The following RABGAP1L variants were observed in gnomAD, a reference collection of about 807,000 sequenced individuals.
RABGAP1L encodes the protein rab GTPase-activating protein 1-like.
RABGAP1L carries 63 observed loss-of-function variants against 137.7 expected under a neutral mutation model. The observed-to-expected ratio is 0.46, with a 90% CI of 0.37 to 0.56. The LOEUF (loss-of-function observed/expected upper bound fraction) is 0.56. Ranked by LOEUF, RABGAP1L falls within the 20% of genes least tolerant of loss-of-function variation. RABGAP1L has a pLI of 0.00. For synonymous variants in RABGAP1L, 431 were observed against 433.7 expected, an observed-to-expected ratio of 0.99 and a Z score of 0.08; for missense variants, 1,095 against 1,244.0, an observed-to-expected ratio of 0.88 and a Z score of 1.80.
At chr1:174,735,785 A>G (rs1450392300) in intron 17 of RABGAP1L, among the ~76,000 whole-genome samples, 1 of 152,172 alleles carries the variant, frequency 6.6e-6, no homozygotes, top group East Asian at 1.9e-4. Flanking sequence ...GAAGAGGAGC[A>G]GCATATTATA....
In RABGAP1L at chr1:174,388,469, A is replaced by G. The variant is rs141247378; in HGVS notation, c.1560-5526A>G. ...ATTGAAATAACTACATGAAAAAAGC[A>G]CATAAGCTAAAGAAAGAAAGGTTGA... On this transcript the variant is annotated intron_variant, in intron 12 of 25. Transcript: ENST00000681986. Among the ~76,000 whole-genome samples the G allele has an allele frequency of 7.3e-3, 1,114 of 152,102 alleles. 20 individuals are homozygous for G. Among genetic ancestry groups the G allele is most frequent in the African/African-American group, 0.026 (1,070 of 41,550 alleles).
At chr1:174,456,146 G>T (rs1457007554) in intron 13 of RABGAP1L, among the ~76,000 whole-genome samples, 1 of 152,050 alleles carries the variant, frequency 6.6e-6, no homozygotes, top group African/African-American at 2.4e-5. Flanking sequence ...TGTTGGAGGT[G>T]TGATTTTTGA....
At chr1:174,371,890 T>A (rs185091916) in intron 12 of RABGAP1L, among the ~76,000 whole-genome samples, 2 of 152,236 alleles carry the variant, frequency 1.3e-5, no homozygotes, top group East Asian at 3.9e-4. Context: ...TCTGTATGCA[T>A]CTTGAGAGTT....
chr1:174,576,610 T>C (rs952698082), intron 13 of RABGAP1L, among the ~76,000 whole-genome samples: 1 of 152,192 alleles, frequency 6.6e-6, no homozygotes, highest in Non-Finnish European at 1.5e-5. Flanking sequence ...AGCAGTAGTT[T>C]CAGGGGGTCT....
At chr1:174,667,754 T>C (rs990782709) in intron 14 of RABGAP1L, among the ~76,000 whole-genome samples, 3 of 152,210 alleles carry the variant, frequency 2.0e-5, no homozygotes, top group Non-Finnish European at 2.9e-5. Context: ...GACCTGGTTA[T>C]TTACTCTTTC....
chr1:174,897,222 G>A (rs1657351828), intron 19 of RABGAP1L: 2 of 152,142 alleles, frequency 1.3e-5, no homozygotes, highest in Admixed American at 1.3e-4. Flanking sequence ...GTTCACTCAT[G>A]ATTTGGCTCT....
chr1:174,534,802 A>AAAAAAAT (rs1553324953), intron 13 of RABGAP1L, among the ~76,000 whole-genome samples: 8 of 137,310 alleles, frequency 5.8e-5, no homozygotes, highest in Admixed American at 2.2e-4. Context: ...AAAAAAAAAA[A>AAAAAAAT]AATAATTAGA....
intron 13 of RABGAP1L, among the ~76,000 whole-genome samples, chr1:174,447,694 A>G (rs1654922545): frequency 6.6e-6 from 1 of 152,144 alleles, no homozygotes; most frequent in South Asian, 2.1e-4. Context: ...CAGCCCACAG[A>G]AGCTTTTCTT....
intron 19 of RABGAP1L, among the ~76,000 whole-genome samples, chr1:174,904,528 G>C (rs955656019): frequency 6.6e-6 from 1 of 152,172 alleles, no homozygotes; most frequent in African/African-American, 2.4e-5. Context: ...GGGAGAAATG[G>C]GACTATCATC....
chr1:174,494,043 G>A (rs553509771), intron 13 of RABGAP1L, among the ~76,000 whole-genome samples: 1 of 152,052 alleles, frequency 6.6e-6, no homozygotes, highest in Admixed American at 6.5e-5. Context: ...TTCCTTCTTT[G>A]GAGCCTAGTA....
At chr1:174,741,032 A>ATTTTTTTT (rs1209031209) in intron 17 of RABGAP1L, among the ~76,000 whole-genome samples, 1 of 132,154 alleles carries the variant, frequency 7.6e-6, no homozygotes, top group African/African-American at 3.2e-5. Context: ...CACTCTGTTG[A>ATTTTTTTT]TTTTTTTGTT....
chr1:174,581,324 C>T (rs1668729704), intron 13 of RABGAP1L, among the ~76,000 whole-genome samples: 1 of 152,046 alleles, frequency 6.6e-6, no homozygotes, highest in Non-Finnish European at 1.5e-5. Flanking sequence ...ACATCCAAAA[C>T]GTTATAGTCA....
intron 13 of RABGAP1L, among the ~76,000 whole-genome samples, chr1:174,489,187 T>C (rs1430186260): frequency 6.6e-6 from 1 of 151,996 alleles, no homozygotes; most frequent in Non-Finnish European, 1.5e-5. Flanking sequence ...TGGGATCTAA[T>C]TAAACTAAAG....
chr1:174,723,625 G>A (rs1432743327), intron 17 of RABGAP1L, among the ~76,000 whole-genome samples: 2 of 151,968 alleles, frequency 1.3e-5, no homozygotes, highest in African/African-American at 2.4e-5. Flanking sequence ...GTATCTAGTA[G>A]TCTCCCAATC....
At chr1:174,350,136 G>A (rs1387439291) in intron 11 of RABGAP1L, among the ~76,000 whole-genome samples, 5 of 135,096 alleles carry the variant, frequency 3.7e-5, no homozygotes, top group African/African-American at 5.6e-5. Context: ...CGGGTGGGGG[G>A]GCTGACCCCC....
At chr1:174,521,015 TAG>T (rs1663326969) in intron 13 of RABGAP1L, among the ~76,000 whole-genome samples, 1 of 152,192 alleles carries the variant, frequency 6.6e-6, no homozygotes, top group Admixed American at 6.5e-5. Flanking sequence ...AACAGTGTTT[TAG>T]TTTCAAGAAC....
chr1:174,770,070 CA>C (rs1360739261), intron 18 of RABGAP1L, among the ~76,000 whole-genome samples: 1 of 152,144 alleles, frequency 6.6e-6, no homozygotes, highest in Non-Finnish European at 1.5e-5. Context: ...TGAAACAACT[CA>C]TAAACTTTTT....
chr1:174,767,546 C>T (rs1375185337), intron 18 of RABGAP1L, among the ~76,000 whole-genome samples: 3 of 147,234 alleles, frequency 2.0e-5, no homozygotes, highest in Admixed American at 6.8e-5. Flanking sequence ...TTTTTTGAGA[C>T]GGAGTCTCAC....
intron 13 of RABGAP1L, among the ~76,000 whole-genome samples, chr1:174,610,102 T>G (rs527529919): frequency 6.6e-6 from 1 of 151,288 alleles, no homozygotes; most frequent in African/African-American, 2.4e-5. Context: ...ATGTGGACAA[T>G]GTGCAGGTTA....
Sources: allele counts gnomAD v4.1 joint callset (sites outside exome capture counted in the v4.1 genomes callset), GRCh38; gene constraint gnomAD v4.1.1; transcripts MANE v1.5; gene names NCBI Gene and HGNC (gene_info 2026-07-23, HGNC 2026-07-21).